The following RBBP6 variants were observed in gnomAD, a reference collection of about 807,000 sequenced individuals.
The protein encoded by RBBP6 is RB binding protein 6, ubiquitin ligase, also known as E3 ubiquitin-protein ligase RBBP6.
Under a neutral mutation model 167.7 loss-of-function variants are expected in RBBP6, and 25 were observed. The ratio of observed to expected loss-of-function variants is 0.15; its 90% CI spans 0.11 to 0.21. The LOEUF (loss-of-function observed/expected upper bound fraction) is 0.21, where lower values mean the gene tolerates loss of function less well. RBBP6 is among the 10% of genes least tolerant of loss of function. The pLI is 1.00. For missense variants in RBBP6, 1,868 were observed against 2,134.2 expected (o/e 0.88, Z 2.46); for synonymous variants, 789 against 735.8 (o/e 1.07, Z -1.17).
At chr16:24,552,370 A>G (rs1434313201) in intron 3 of RBBP6, among the ~76,000 whole-genome samples, 1 of 151,788 alleles carries the variant, frequency 6.6e-6, no homozygotes, top group Admixed American at 6.6e-5. Context: ...AGAATACCTG[A>G]TGAAGACTTT....
Position 24,567,525 on chromosome 16 carries a change from A to G in RBBP6, c.1952+20A>G. ...AGAAGAGTATGTATTCTAATTTGAA[A>G]TTATTATACACTTTTTTCATTTTCT... On this transcript the variant is annotated intron_variant, in intron 15 of 17. Transcript: ENST00000319715. The G allele has an allele frequency of 6.4e-7, 1 of 1,572,972 alleles. No homozygotes were observed. Among genetic ancestry groups the G allele is most frequent in the Non-Finnish European group, 8.6e-7 (1 of 1,159,936 alleles).
At chr16:24,564,593 G>T (rs755170885) in intron 13 of RBBP6, among the ~76,000 whole-genome samples, 2 of 152,134 alleles carry the variant, frequency 1.3e-5, no homozygotes, top group Non-Finnish European at 2.9e-5. Flanking sequence ...TTATTGTTAT[G>T]ATACAGTTAA....
intron 1 of RBBP6, among the ~76,000 whole-genome samples, chr16:24,544,906 C>T (rs1438506033): frequency 1.3e-5 from 2 of 152,146 alleles, no homozygotes; most frequent in African/African-American, 4.8e-5. Flanking sequence ...CTTCATCTCC[C>T]CCATATTCGG....
At chr16:24,548,240 C>T (rs754725485) in intron 2 of RBBP6, among the ~76,000 whole-genome samples, 3 of 151,832 alleles carry the variant, frequency 2.0e-5, no homozygotes, top group African/African-American at 7.3e-5. Context: ...CAGTTCTACA[C>T]AGCCATTTAA....
At position 24,555,707 on chromosome 16, in the gene RBBP6, A is replaced by C; in HGVS notation, c.437+4A>C. The C allele has an allele frequency of 1.2e-6, 2 of 1,611,522 alleles. No individual in the cohort carries two copies. The highest frequency in any genetic ancestry group is 1.7e-6 in the Non-Finnish European group (2 of 1,178,428). ...GCCATGAATACGACCCAATCAAGTA[A>C]GTTCATAAATATTTTATACTAATAG... On this transcript the variant is annotated splice_donor_region_variant and intron_variant, in intron 5 of 17. Coordinates refer to ENST00000319715, the MANE Select transcript of RBBP6 (RefSeq NM_006910.5).
chr16:24,569,167 G>C lies in RBBP6; in HGVS notation c.2477G>C (p.Arg826Pro). The part of the protein sequence containing the change: ...VDFRDPFEKE[R>P]YREWERKYRE... ...TTTAGAGACCCATTTGAAAAAGAAC[G>C]CTACCGAGAATGGGAGAGAAAATAT... is the stretch of plus-strand genomic sequence containing the variant. The change falls in exon 17 of 18, where the codon CGC (arginine) becomes CCC (proline). Residue 826 changes from arginine to proline, a missense_variant. Around this residue, in one of 7 missense-constraint regions of RBBP6, gnomAD observed 673 missense variants for 691.5 expected, o/e 0.97. Transcript: ENST00000319715. 1 of 1,611,832 alleles carries C rather than the reference G, an allele frequency of 6.2e-7. No individual in the cohort carries two copies. Among genetic ancestry groups the C allele is most frequent in the Admixed American group, 1.7e-5 (1 of 59,324 alleles).
rs117243047 is a variant in RBBP6, at chr16:24,560,427, C to T, written c.847+750C>T. 3.7e-4 allele frequency among the ~76,000 whole-genome samples: 56 copies of T among 152,264 alleles called. 1 individual carries two copies. The East Asian group carries it at 0.01, about 28-fold the overall frequency. ...GACATCTGTAGACATATTTATTACCCAGCATTTACCATGCAGTTGTGACTT... is the reference window on the plus strand; with the variant it reads ...GACATCTGTAGACATATTTATTACCTAGCATTTACCATGCAGTTGTGACTT... On this transcript the variant is annotated intron_variant, in intron 8 of 17. Coordinates refer to ENST00000319715, the MANE Select transcript of RBBP6 (RefSeq NM_006910.5).
Position 24,546,180 on chromosome 16 carries a change from G to A in RBBP6, c.184G>A (p.Ala62Thr). The change falls in exon 2 of 18, where the codon GCT becomes ACT. Residue 62 changes from alanine (A) to threonine (T), a missense_variant. By Grantham distance (58) the Ala-to-Thr change is moderately conservative. Around this residue, in one of 7 missense-constraint regions of RBBP6, gnomAD observed 184 missense variants for 327.7 expected, o/e 0.56. Coordinates refer to ENST00000319715, the MANE Select transcript of RBBP6 (RefSeq NM_006910.5). ...QTKEEYTDDN[A>T]LIPKNSSVIV... ...ATTTACAGAATATACTGATGATAATGCTCTGATTCCTAAGAATTCTTCTGT... is the reference window on the plus strand; with the variant it reads ...ATTTACAGAATATACTGATGATAATACTCTGATTCCTAAGAATTCTTCTGT... The A allele has an allele frequency of 1.3e-6, 2 of 1,585,268 alleles. No individual in the cohort carries two copies. The highest frequency in any genetic ancestry group is 1.7e-6 in the Non-Finnish European group (2 of 1,171,338).
chr16:24,566,438 A>G (rs1214684561), intron 14 of RBBP6, among the ~76,000 whole-genome samples: 1 of 152,220 alleles, frequency 6.6e-6, no homozygotes, highest in Non-Finnish European at 1.5e-5. Context: ...AAAAGAGGTT[A>G]CAGGAGTTGG....
intron 1 of RBBP6, among the ~76,000 whole-genome samples, chr16:24,542,762 C>T (rs1401509124): frequency 6.6e-6 from 1 of 152,132 alleles, no homozygotes; most frequent in Non-Finnish European, 1.5e-5. Context: ...CAACTTTAGA[C>T]TGGGTAAGTT....
intron 1 of RBBP6, among the ~76,000 whole-genome samples, chr16:24,543,630 G>C (rs528989376): frequency 5.9e-5 from 9 of 152,018 alleles, no homozygotes; most frequent in Non-Finnish European, 1.2e-4. Flanking sequence ...TGATAAGACT[G>C]AAACGCTTGG....
Position 24,563,410 on chromosome 16 carries a change from G to C in RBBP6, c.1387-13G>C, listed in dbSNP as rs1045522682. ...TTTTAACTATTTCTGTTTATTTGTG[G>C]TTGTTTCTAAAGGGTTACCAGGTGC... On this transcript the variant is annotated splice_polypyrimidine_tract_variant and intron_variant, in intron 11 of 17. Coordinates refer to ENST00000319715, the MANE Select transcript of RBBP6 (RefSeq NM_006910.5). 6.4e-7 allele frequency: 1 copy of C among 1,554,068 alleles called. No homozygotes were observed. Among genetic ancestry groups the C allele is most frequent in the East Asian group, 2.3e-5 (1 of 43,998 alleles).
chr16:24,570,525 G>A (rs1899300928), intron 17 of RBBP6, 26 bp downstream of exon 17: 2 of 1,518,492 alleles, frequency 1.3e-6, no homozygotes, highest in Non-Finnish European at 1.8e-6. Flanking sequence ...GGGTGGGTGT[G>A]GAACTTTGTT....
At chr16:24,559,219 C>A (rs577885933) in intron 7 of RBBP6, among the ~76,000 whole-genome samples, 2 of 152,166 alleles carry the variant, frequency 1.3e-5, no homozygotes, top group Admixed American at 1.3e-4. Flanking sequence ...CAGAACATTT[C>A]GCTTTATTTC....
chr16:24,558,662 G>A, intron 7 of RBBP6: 1 of 207,704 alleles, frequency 4.8e-6, no homozygotes, highest in Non-Finnish European at 8.4e-6. Flanking sequence ...TGATTACAGA[G>A]AAGATGGGGG....
chr16:24,571,112 T>G lies in RBBP6; in HGVS notation c.4046T>G (p.Ile1349Arg). Residue 1349 changes from isoleucine to arginine, a missense_variant, in exon 18 of 18, where the codon ATA (isoleucine) becomes AGA (arginine). This residue lies in a region of RBBP6 where 591 missense variants were observed against 540.5 expected (regional missense o/e 1.09). Transcript: ENST00000319715. ...AGTGTAGGAAAACCTGCTAGTGTTATAAAAAATGTTAGTACAAAGCCATCA... is the reference window on the plus strand; with the variant it reads ...AGTGTAGGAAAACCTGCTAGTGTTAGAAAAAATGTTAGTACAAAGCCATCA... ...ISSVGKPASV[I>R]KNVSTKPSNI... 2 of 1,612,650 alleles carry G rather than the reference T, an allele frequency of 1.2e-6. No individual in the cohort carries two copies. The highest frequency in any genetic ancestry group is 1.7e-6 in the Non-Finnish European group (2 of 1,179,250).
At position 24,569,014 on chromosome 16, in the gene RBBP6, C is replaced by T. The variant is rs368671422; in HGVS notation, c.2324C>T (p.Ala775Val). 13 of 1,613,964 alleles carry T rather than the reference C, an allele frequency of 8.1e-6. No homozygotes were observed. In the African/African-American group the frequency reaches 1.1e-4, roughly 13 times the overall value. The change falls in exon 17 of 18, where the codon GCG (alanine) becomes GTG (valine). Residue 775 changes from alanine to valine, a missense_variant. Ala to Val is a moderately conservative substitution (Grantham distance 64, BLOSUM62 0). Transcript: ENST00000319715. ...CATTCACGATCAAGATCTCCTCAAG[C>T]GTTTAGGGGACAGTCTCCTAATAAA... The part of the protein sequence containing the change: ...RYHSRSRSPQ[A>V]FRGQSPNKRN...
At chr16:24,556,488 C>G (rs769627159) in intron 7 of RBBP6, 41 bp downstream of exon 7, 3 of 1,587,368 alleles carry the variant, frequency 1.9e-6, no homozygotes, top group Non-Finnish European at 2.6e-6. Context: ...AGACTCCAGT[C>G]AGTCCCAGGG....
chr16:24,552,311 G>T (rs1898816439), intron 3 of RBBP6, among the ~76,000 whole-genome samples: 1 of 151,794 alleles, frequency 6.6e-6, no homozygotes, highest in Admixed American at 6.6e-5. Context: ...TGTCTTTGGG[G>T]CTCTTAAGTC....
Sources: allele counts gnomAD v4.1 joint callset (sites outside exome capture counted in the v4.1 genomes callset), GRCh38; gene constraint gnomAD v4.1.1; regional missense constraint gnomAD v4.1.1; transcripts MANE v1.5; gene names NCBI Gene and HGNC (gene_info 2026-07-23, HGNC 2026-07-21).